Variants in SLC26A8 observed in about 807,000 individuals in gnomAD.
The protein encoded by SLC26A8 is testis anion transporter 1.
Under a neutral mutation model 105.0 loss-of-function variants are expected in SLC26A8, and 70 were observed. The ratio of observed to expected loss-of-function variants is 0.67; its 90% CI spans 0.55 to 0.81. The LOEUF is 0.81. SLC26A8 is among the 40% of genes least tolerant of loss of function. The pLI, the probability that SLC26A8 is intolerant of heterozygous loss-of-function variation, is 0.00. For missense variants in SLC26A8, 998 were observed against 1,181.8 expected, an observed-to-expected ratio of 0.84 and a Z score of 2.28; for synonymous variants, 415 against 438.3, an observed-to-expected ratio of 0.95 and a Z score of 0.66.
At chr6:36,020,379 G>C (rs1762099951) in intron 1 of SLC26A8, among the ~76,000 whole-genome samples, 1 of 152,182 alleles carries the variant, frequency 6.6e-6, no homozygotes, top group South Asian at 2.1e-4. Flanking sequence ...TACAGTTAGT[G>C]GCCTCATGGT....
intron 19 of SLC26A8, among the ~76,000 whole-genome samples, chr6:35,950,948 G>A (rs536302351): frequency 3.0e-4 from 45 of 152,218 alleles, no homozygotes; most frequent in Non-Finnish European, 6.3e-4. Flanking sequence ...TGACAGTGAG[G>A]GCACTTGGCT....
At chr6:35,953,412 T>A (rs976136002) in intron 17 of SLC26A8, among the ~76,000 whole-genome samples, 11 of 152,232 alleles carry the variant, frequency 7.2e-5, no homozygotes, top group Non-Finnish European at 1.2e-4. Flanking sequence ...AGGCCACTTA[T>A]GAGCTGTGAG....
intron 10 of SLC26A8, among the ~76,000 whole-genome samples, chr6:35,974,120 C>T (rs1299682950): frequency 6.6e-6 from 1 of 152,158 alleles, no homozygotes; most frequent in Non-Finnish European, 1.5e-5. Flanking sequence ...GAGTTCAAGA[C>T]CAGCCTGGCC....
At chr6:35,963,924 G>A (rs1027175779) in intron 11 of SLC26A8, among the ~76,000 whole-genome samples, 2 of 152,138 alleles carry the variant, frequency 1.3e-5, no homozygotes, top group Non-Finnish European at 2.9e-5. Context: ...TTAAAATACT[G>A]ATAGCCAAGT....
At chr6:35,986,003 T>C (rs1372091287) in intron 7 of SLC26A8, among the ~76,000 whole-genome samples, 1 of 149,370 alleles carries the variant, frequency 6.7e-6, no homozygotes, top group Non-Finnish European at 1.5e-5. Context: ...TATTAATAGA[T>C]GCATTACTTC....
At chr6:35,991,193 G>A (rs1761139911) in intron 7 of SLC26A8, among the ~76,000 whole-genome samples, 2 of 152,044 alleles carry the variant, frequency 1.3e-5, no homozygotes, top group African/African-American at 2.4e-5. Flanking sequence ...CTGAGGTCAG[G>A]AGTTTGCGAC....
At chr6:36,022,825 T>A (rs755782759) in intron 1 of SLC26A8, among the ~76,000 whole-genome samples, 5 of 151,640 alleles carry the variant, frequency 3.3e-5, no homozygotes, top group Non-Finnish European at 7.4e-5. Context: ...TTTCATGTAC[T>A]AGCAGGACAC....
intron 7 of SLC26A8, among the ~76,000 whole-genome samples, chr6:35,983,492 T>A (rs1253247091): frequency 5.3e-5 from 8 of 152,146 alleles, no homozygotes; most frequent in Admixed American, 4.6e-4. Context: ...CAGTATAGTC[T>A]ACCTGGATCT....
chr6:36,008,831 T>C (rs1761765370), intron 3 of SLC26A8, among the ~76,000 whole-genome samples: 1 of 152,146 alleles, frequency 6.6e-6, no homozygotes, highest in South Asian at 2.1e-4. Context: ...TATCACTACA[T>C]GACTATCAGA....
intron 2 of SLC26A8, among the ~76,000 whole-genome samples, chr6:36,017,865 A>G (rs1055691371): frequency 2.4e-4 from 37 of 152,346 alleles, no homozygotes; most frequent in African/African-American, 8.4e-4. Flanking sequence ...AAAGGAAATG[A>G]ATAGACATTT....
At chr6:35,968,811 A>G in intron 11 of SLC26A8, 66 bp downstream of exon 11, 1 of 339,070 alleles carries the variant, frequency 2.9e-6, no homozygotes, top group Admixed American at 5.6e-5. Flanking sequence ...CCCCGCACAC[A>G]CACACCAAGG....
chr6:36,017,637 AAACAAAAC>A (rs958371344), intron 2 of SLC26A8, among the ~76,000 whole-genome samples: 13 of 15,158 alleles, frequency 8.6e-4, no homozygotes, highest in African/African-American at 4.1e-3. Context: ...CGTCTCAACA[AAACAAAAC>A]AAAACAAAAC....
intron 7 of SLC26A8, among the ~76,000 whole-genome samples, chr6:35,986,297 G>A (rs142696952): frequency 8.2e-4 from 125 of 152,232 alleles, no homozygotes; most frequent in African/African-American, 2.9e-3. Context: ...GCCTCCCAAA[G>A]TGCTGAAATT....
chr6:35,959,473 T>C lies in SLC26A8; in HGVS notation c.1850A>G (p.Glu617Gly), dbSNP rs763123584. 6.2e-7 allele frequency: 1 copy of C among 1,612,422 alleles called. No homozygotes were observed. Among genetic ancestry groups the C allele is most frequent in the Non-Finnish European group, 8.5e-7 (1 of 1,179,540 alleles). Residue 617 changes from glutamate (E) to glycine (G), a missense_variant, in exon 16 of 20, where the codon GAG (glutamate) becomes GGG (glycine). Physicochemically the swap from Glu to Gly is moderately conservative, Grantham distance 98 (BLOSUM62 -2). Coordinates refer to ENST00000490799, the MANE Select transcript of SLC26A8 (RefSeq NM_052961.4). ...GGCATTTCTAACCCTGGGCAGCGGC[T>C]CCAGATCATCACAGTTGCAGAAACA... ...CRCFCNCDDL[E>G]PLPRILYTER...
chr6:36,023,070 T>C (rs768597084), intron 1 of SLC26A8, among the ~76,000 whole-genome samples: 4 of 151,592 alleles, frequency 2.6e-5, no homozygotes, highest in Non-Finnish European at 4.4e-5. Flanking sequence ...ATATAGTGGA[T>C]TATCTTTCAT....
intron 3 of SLC26A8, among the ~76,000 whole-genome samples, chr6:36,011,875 C>T (rs553613205): frequency 9.8e-5 from 15 of 152,328 alleles, no homozygotes; most frequent in Middle Eastern, 3.4e-3. Context: ...TCCCAAAGTG[C>T]TGGGATTACA....
At chr6:35,964,977 A>AG (rs1306450599) in intron 11 of SLC26A8, among the ~76,000 whole-genome samples, 1 of 151,912 alleles carries the variant, frequency 6.6e-6, no homozygotes, top group African/African-American at 2.4e-5. Context: ...AAAAAAAAAA[A>AG]AAAGAAAATG....
intron 7 of SLC26A8, among the ~76,000 whole-genome samples, chr6:35,988,270 G>A (rs996062915): frequency 6.6e-6 from 1 of 152,082 alleles, no homozygotes; most frequent in Non-Finnish European, 1.5e-5. Flanking sequence ...CTTTATTGAT[G>A]AAAATATCTT....
chr6:35,946,939 C>A (rs1418291998), intron 19 of SLC26A8, among the ~76,000 whole-genome samples: 1 of 152,142 alleles, frequency 6.6e-6, no homozygotes, highest in Non-Finnish European at 1.5e-5. Flanking sequence ...ATTCTTCTGC[C>A]TCAGTCTCCC....
Sources: allele counts gnomAD v4.1 joint callset (sites outside exome capture counted in the v4.1 genomes callset), GRCh38; gene constraint gnomAD v4.1.1; transcripts MANE v1.5; gene names NCBI Gene and HGNC (gene_info 2026-07-23, HGNC 2026-07-21).